NUP62CL: variants seen among roughly 807,000 people sequenced by gnomAD.
The protein encoded by NUP62CL is nucleoporin-62 C-terminal-like protein.
NUP62CL carries 13 observed loss-of-function variants against 15.3 expected under a neutral mutation model. That is an observed-to-expected ratio of 0.85 (90% CI 0.55 to 1.35). NUP62CL has a LOEUF of 1.35. NUP62CL is among the 40% of genes most tolerant of loss of function. NUP62CL has a pLI of 0.00. For missense variants in NUP62CL, 123 were observed against 130.6 expected, an observed-to-expected ratio of 0.94 and a Z score of 0.28; for synonymous variants, 54 against 49.2, an observed-to-expected ratio of 1.10 and a Z score of -0.41.
intron 2 of NUP62CL, among the ~76,000 whole-genome samples, chrX:107,184,324 A>AG (rs774825623): frequency 0.19 from 19,681 of 104,177 alleles, 1,721 homozygotes; most frequent in East Asian, 0.35. Flanking sequence ...AGAAAGAAAG[A>AG]AAGAAAGAAA....
chrX:107,174,794 C>T, intron 3 of NUP62CL, among the ~76,000 whole-genome samples: 1 of 111,751 alleles, frequency 8.9e-6, no homozygotes, highest in East Asian at 2.8e-4. Context: ...GGCAAAACTC[C>T]CACTCTCCCT....
chrX:107,205,810 G>A (rs1265297455), intron 1 of NUP62CL, among the ~76,000 whole-genome samples: 3 of 110,606 alleles, frequency 2.7e-5, no homozygotes, highest in African/African-American at 9.9e-5. Context: ...CGAGCGGCGC[G>A]CCTGCTTTTC....
intron 4 of NUP62CL, among the ~76,000 whole-genome samples, chrX:107,163,303 TGTAA>T (rs1307207546): frequency 9.0e-6 from 1 of 111,460 alleles, no homozygotes; most frequent in Non-Finnish European, 1.9e-5. Flanking sequence ...ACTACACTGT[TGTAA>T]GTAATGCATG....
In NUP62CL at chrX:107,184,088, C is replaced by T. The variant is rs762145596; in HGVS notation, c.-47-8895G>A. ...TGCAGTAAAAAGGCAGCACCTCCCC[C>T]CCCTCCACCAGAACAATGTCAAATA... On this transcript the variant is annotated intron_variant, in intron 2 of 8. Transcript: ENST00000372466. Among the ~76,000 whole-genome samples the T allele has an allele frequency of 1.5e-3, 161 of 109,354 alleles. 1 individual carries two copies. The highest frequency in any genetic ancestry group is 5.1e-3 in the African/African-American group (152 of 30,058). The allele number at this position is 109,354 out of a possible 115,157, so 95.0% of individuals were successfully genotyped here. A position where few individuals can be genotyped will look rare whatever the true frequency, so the allele number is the denominator to read the frequency against.
rs748572430 is a variant in NUP62CL, at chrX:107,173,729, C to T, written c.58+1360G>A. ...GTAGAAAACATAATTCATGTGGTAA[C>T]CAATCTTAACTAATGCCTAACTATG... On this transcript the variant is annotated intron_variant, in intron 3 of 8. Transcript: ENST00000372466. Among the ~76,000 whole-genome samples the T allele has an allele frequency of 2.7e-5, 3 of 111,357 alleles. No homozygotes were observed. In the East Asian group the frequency reaches 8.5e-4, roughly 31 times the overall value.
chrX:107,141,628 C>A (rs1413968590), intron 8 of NUP62CL, among the ~76,000 whole-genome samples: 1 of 111,775 alleles, frequency 8.9e-6, no homozygotes, highest in Non-Finnish European at 1.9e-5. Flanking sequence ...AATGAAACAA[C>A]CTTGCTCAGT....
chrX:107,173,291 T>C (rs1275511845), intron 3 of NUP62CL, among the ~76,000 whole-genome samples: 1 of 111,964 alleles, frequency 8.9e-6, no homozygotes, highest in Non-Finnish European at 1.9e-5. Flanking sequence ...GGAAAACAGA[T>C]TAGTGGTTGT....
Position 107,204,002 on chromosome X carries a change from TA to T in NUP62CL, c.-92+2270del, listed in dbSNP as rs758676761. 1.5e-4 allele frequency among the ~76,000 whole-genome samples: 17 copies of T among 112,031 alleles called. No individual in the cohort carries two copies. The East Asian group carries it at 4.2e-3, about 28-fold the overall frequency. ...ATATTTTAGATCTCTCAGGTTTCAT[TA>T]TTTTTTTTCCCTTTAAAAAAACCTT... On this transcript the variant is annotated intron_variant, in intron 1 of 8. Transcript: ENST00000372466.
At chrX:107,163,354 T>C (rs1434570585) in intron 4 of NUP62CL, among the ~76,000 whole-genome samples, 1 of 111,108 alleles carries the variant, frequency 9.0e-6, no homozygotes, top group Non-Finnish European at 1.9e-5. Flanking sequence ...AATAAAACTA[T>C]ACAAAATAAT....
At chrX:107,150,501 G>A (rs1423489516) in intron 7 of NUP62CL, among the ~76,000 whole-genome samples, 1 of 111,875 alleles carries the variant, frequency 8.9e-6, no homozygotes, top group Non-Finnish European at 1.9e-5. Context: ...ACCACAGAAT[G>A]CTAATTTCTT....
intron 3 of NUP62CL, among the ~76,000 whole-genome samples, chrX:107,168,461 G>T (rs765704249): frequency 4.5e-5 from 5 of 111,634 alleles, no homozygotes; most frequent in African/African-American, 1.6e-4. Context: ...AGAATGTCCT[G>T]CTCTCTATAG....
chrX:107,154,442 C>T (rs1483943631), intron 4 of NUP62CL, among the ~76,000 whole-genome samples, 196 bp from the exon 5 acceptor site: 1 of 111,421 alleles, frequency 9.0e-6, no homozygotes, highest in Non-Finnish European at 1.9e-5. Flanking sequence ...TTGAAATTAT[C>T]CTAGGTGAAT....
intron 3 of NUP62CL, among the ~76,000 whole-genome samples, chrX:107,172,670 G>C (rs2147808201): frequency 9.0e-6 from 1 of 111,096 alleles, no homozygotes; most frequent in African/African-American, 3.3e-5. Flanking sequence ...AACTTCAATA[G>C]AGGTCAAAAC....
intron 2 of NUP62CL, among the ~76,000 whole-genome samples, chrX:107,188,422 T>TC (rs1231154769): frequency 9.6e-6 from 1 of 104,077 alleles, no homozygotes; most frequent in Non-Finnish European, 2.0e-5. Context: ...TGGTAAAAAC[T>TC]CCCCCCCACC....
intron 1 of NUP62CL, among the ~76,000 whole-genome samples, chrX:107,204,264 C>G (rs1336962681): frequency 9.0e-6 from 1 of 111,357 alleles, no homozygotes; most frequent in East Asian, 2.8e-4. Flanking sequence ...GAAGTGACTT[C>G]TAGTCTCGGA....
At chrX:107,142,775 C>T (rs942539995) in intron 8 of NUP62CL, among the ~76,000 whole-genome samples, 9 of 111,600 alleles carry the variant, frequency 8.1e-5, no homozygotes, top group African/African-American at 1.3e-4. Context: ...ATAAGTGGTC[C>T]CAGAAGAACT....
At chrX:107,161,847 A>G (rs1402120392) in intron 4 of NUP62CL, among the ~76,000 whole-genome samples, 1 of 104,081 alleles carries the variant, frequency 9.6e-6, no homozygotes, top group Non-Finnish European at 1.9e-5. Context: ...AAAATTACCT[A>G]TCATATCAAA....
intron 7 of NUP62CL, among the ~76,000 whole-genome samples, chrX:107,152,943 C>G (rs963529312): frequency 1.8e-5 from 2 of 111,912 alleles, no homozygotes; most frequent in African/African-American, 6.5e-5. Flanking sequence ...TAACAGTAAA[C>G]AAAATGCTAT....
intron 4 of NUP62CL, among the ~76,000 whole-genome samples, chrX:107,161,715 C>T (rs902139191): frequency 4.4e-5 from 4 of 90,030 alleles, no homozygotes; most frequent in African/African-American, 1.3e-4. Flanking sequence ...GCATGGCACA[C>T]GTATACATAT....
Sources: gnomAD v4.1 joint callset for allele counts (sites outside exome capture counted in the v4.1 genomes callset) on GRCh38, gnomAD v4.1.1 for gene constraint, MANE v1.5 for transcripts, NCBI Gene and HGNC (gene_info 2026-07-23, HGNC 2026-07-21) for gene names.